Variants in EPHB2 observed in about 807,000 individuals in gnomAD.
The protein encoded by EPHB2 is ephrin type-B receptor 2.
EPHB2 carries 18 observed loss-of-function variants against 96.4 expected under a neutral mutation model. That is an observed-to-expected ratio of 0.19 (90% CI 0.13 to 0.28). EPHB2 has a LOEUF of 0.28. Ranked by LOEUF, EPHB2 falls within the 10% of genes least tolerant of loss-of-function variation. EPHB2 has a pLI of 1.00. For missense variants in EPHB2, 989 were observed against 1,355.4 expected, an observed-to-expected ratio of 0.73 and a Z score of 4.25; for synonymous variants, 506 against 534.1, an observed-to-expected ratio of 0.95 and a Z score of 0.72.
At position 22,790,630 on chromosome 1, in the gene EPHB2, G is replaced by A. The variant is rs554885187; in HGVS notation, c.811+5554G>A. 4.6e-5 allele frequency among the ~76,000 whole-genome samples: 7 copies of A among 152,284 alleles called. No homozygotes were observed. The South Asian group carries it at 1.5e-3, about 32-fold the overall frequency. ...ACCCACCTCAGTCCCACTTCTGCCTGCCCAGCAGGAACCCCCAACCTAGCC... is the reference window on the plus strand; with the variant it reads ...ACCCACCTCAGTCCCACTTCTGCCTACCCAGCAGGAACCCCCAACCTAGCC... On this transcript the variant is annotated intron_variant, in intron 3 of 15. Coordinates refer to ENST00000374630, the MANE Select transcript of EPHB2 (RefSeq NM_017449.5). The surrounding 1 kb of genome is among the most constrained non-coding windows in gnomAD (Gnocchi z 4.0).
intron 3 of EPHB2, among the ~76,000 whole-genome samples, chr1:22,813,527 C>T (rs1487161861): frequency 1.3e-5 from 2 of 152,202 alleles, no homozygotes; most frequent in Non-Finnish European, 2.9e-5. Context: ...TCGAGATGAG[C>T]AGCTGAGGTG....
intron 3 of EPHB2, among the ~76,000 whole-genome samples, chr1:22,853,319 C>T (rs746986733): frequency 5.3e-5 from 8 of 152,260 alleles, no homozygotes; most frequent in Non-Finnish European, 1.0e-4. Context: ...CGCCGCTGCA[C>T]TCCAGCCTGG....
intron 3 of EPHB2, among the ~76,000 whole-genome samples, chr1:22,825,590 C>T (rs913242297): frequency 1.3e-5 from 2 of 152,238 alleles, no homozygotes; most frequent in African/African-American, 4.8e-5. Context: ...GAACAAGATG[C>T]TCTCTGAACC....
chr1:22,805,617 C>T (rs1213114605), intron 3 of EPHB2, among the ~76,000 whole-genome samples: 1 of 152,222 alleles, frequency 6.6e-6, no homozygotes, highest in Non-Finnish European at 1.5e-5. Context: ...CCACCTCCCA[C>T]CCATCCTGGA....
chr1:22,762,254 G>GT (rs1316088042), intron 1 of EPHB2, among the ~76,000 whole-genome samples: 4 of 152,176 alleles, frequency 2.6e-5, no homozygotes, highest in African/African-American at 9.7e-5. Flanking sequence ...AGCAGCTGGT[G>GT]TCCCACCAGA....
chr1:22,880,382 C>T (rs190341721), intron 5 of EPHB2, among the ~76,000 whole-genome samples: 1 of 152,330 alleles, frequency 6.6e-6, no homozygotes, highest in Non-Finnish European at 1.5e-5. Context: ...AAGTGTCAGC[C>T]TCCACTTTCC....
At chr1:22,859,138 A>G (rs972962438) in intron 3 of EPHB2, among the ~76,000 whole-genome samples, 21 of 152,042 alleles carry the variant, frequency 1.4e-4, no homozygotes, top group Admixed American at 2.6e-4. Context: ...ACTCCGTCTC[A>G]ATAAATAAAT....
chr1:22,826,013 C>T (rs115428314), intron 3 of EPHB2, among the ~76,000 whole-genome samples: 2,206 of 152,144 alleles, frequency 0.014, 60 homozygotes, highest in African/African-American at 0.05. Context: ...GTGAGGAGGC[C>T]CCTGCTGAGG....
chr1:22,793,768 T>C (rs1644730047), intron 3 of EPHB2, among the ~76,000 whole-genome samples: 1 of 152,084 alleles, frequency 6.6e-6, no homozygotes, highest in African/African-American at 2.4e-5. Context: ...TATTGAAACT[T>C]CTGTTGGTAT....
At chr1:22,837,768 G>A (rs1179467531) in intron 3 of EPHB2, among the ~76,000 whole-genome samples, 2 of 152,152 alleles carry the variant, frequency 1.3e-5, no homozygotes, top group Non-Finnish European at 2.9e-5. Flanking sequence ...AGAGGGGCTG[G>A]AATCCCCCAG....
intron 7 of EPHB2, among the ~76,000 whole-genome samples, chr1:22,894,587 ACTCCCACTCC>A: frequency 6.7e-6 from 1 of 149,190 alleles, no homozygotes. Context: ...CAAGAGTGAA[ACTCCCACTCC>A]AAAAAAAAAA....
rs1438964566 is a variant in EPHB2, at chr1:22,916,016, A to G, written c.*2446A>G. ...GCTGCAAAGGGAAGGAAGGGATTAG[A>G]GAGAAGTGTGGGCCCCCCATGGGGA... On this transcript the variant is annotated 3_prime_UTR_variant, in exon 16 of 16. Transcript: ENST00000374630. The surrounding 1 kb of genome is among the most constrained non-coding windows in gnomAD (Gnocchi z 4.2). The G allele has an allele frequency of 3.9e-5, 6 of 152,438 alleles. No individual in the cohort carries two copies. The highest frequency in any genetic ancestry group is 6.5e-5 in the Admixed American group (1 of 15,290). 9.4% of individuals were successfully genotyped at this position (152,438 alleles called of 1,614,324 possible). A position where few individuals can be genotyped will look rare whatever the true frequency, so the allele number is the denominator to read the frequency against.
At chr1:22,840,345 A>G (rs1275007270) in intron 3 of EPHB2, among the ~76,000 whole-genome samples, 1 of 152,174 alleles carries the variant, frequency 6.6e-6, no homozygotes, top group Non-Finnish European at 1.5e-5. Flanking sequence ...AATTTTGCAT[A>G]CTCTACCAGG....
intron 14 of EPHB2, 117 bp downstream of exon 14, chr1:22,910,692 GA>G: frequency 7.5e-7 from 1 of 1,332,016 alleles, no homozygotes; most frequent in Non-Finnish European, 1.0e-6. Context: ...GATGGGGAAG[GA>G]CAGGACTAGT....
intron 9 of EPHB2, among the ~76,000 whole-genome samples, chr1:22,901,267 A>T (rs1639738537): frequency 6.6e-6 from 1 of 152,054 alleles, no homozygotes; most frequent in Non-Finnish European, 1.5e-5. Flanking sequence ...TAATCTTGCA[A>T]CCCCCTTAGG....
intron 6 of EPHB2, among the ~76,000 whole-genome samples, chr1:22,886,471 T>C (rs887906225): frequency 6.6e-6 from 1 of 152,062 alleles, no homozygotes; most frequent in African/African-American, 2.4e-5. Flanking sequence ...AAGATCCCTG[T>C]AGCTTGCTGT....
At chr1:22,857,631 G>T (rs1236992297) in intron 3 of EPHB2, among the ~76,000 whole-genome samples, 1 of 152,138 alleles carries the variant, frequency 6.6e-6, no homozygotes, top group African/African-American at 2.4e-5. Context: ...CTGTTCAACA[G>T]GTCCCTGGGA....
intron 3 of EPHB2, among the ~76,000 whole-genome samples, chr1:22,819,854 C>T (rs12562131): frequency 5.3e-5 from 8 of 151,456 alleles, no homozygotes; most frequent in Non-Finnish European, 1.0e-4. Context: ...TTTTCCTCTC[C>T]GTGTCTTAAC....
At chr1:22,897,665 T>C (rs1358987388) in intron 9 of EPHB2, among the ~76,000 whole-genome samples, 1 of 152,132 alleles carries the variant, frequency 6.6e-6, no homozygotes, top group Non-Finnish European at 1.5e-5. Flanking sequence ...TGTGTGCCTG[T>C]AATCCCAGCT....
Sources: gnomAD v4.1 joint callset for allele counts (sites outside exome capture counted in the v4.1 genomes callset) on GRCh38, gnomAD v4.1.1 for gene constraint, Gnocchi (gnomAD v3.1) non-coding constraint, MANE v1.5 for transcripts, NCBI Gene and HGNC (gene_info 2026-07-23, HGNC 2026-07-21) for gene names.